ZBTB20: variants seen among roughly 807,000 people sequenced by gnomAD.
ZBTB20 encodes zinc finger and BTB domain-containing protein 20.
ZBTB20 carries 9 observed loss-of-function variants against 56.9 expected under a neutral mutation model. That is an observed-to-expected ratio of 0.16 (90% confidence interval 0.10 to 0.28). The LOEUF (loss-of-function observed/expected upper bound fraction) is 0.28. ZBTB20 is among the 10% of genes least tolerant of loss of function. The pLI is 1.00. For missense variants in ZBTB20, 655 were observed against 1,003.0 expected (o/e 0.65, Z 4.69); for synonymous variants, 417 against 420.7 (o/e 0.99, Z 0.11).
intron 7 of ZBTB20, among the ~76,000 whole-genome samples, chr3:114,404,736 T>C (rs919202914): frequency 5.3e-5 from 8 of 152,038 alleles, no homozygotes; most frequent in African/African-American, 1.9e-4. Flanking sequence ...GAAAACCCAA[T>C]ACCCGGAGCT....
intron 5 of ZBTB20, among the ~76,000 whole-genome samples, chr3:114,707,359 C>A (rs2063775928): frequency 6.6e-6 from 1 of 152,124 alleles, no homozygotes; most frequent in Admixed American, 6.6e-5. Flanking sequence ...AGCTCTCACT[C>A]TTTAATTCTC....
chr3:115,096,672 C>T (rs1041963125), intron 1 of ZBTB20, among the ~76,000 whole-genome samples: 3 of 152,162 alleles, frequency 2.0e-5, no homozygotes, highest in East Asian at 1.9e-4. Context: ...TGGGGTAACA[C>T]GTTTGCTCAG....
chr3:114,652,740 A>G (rs769412509), intron 6 of ZBTB20, among the ~76,000 whole-genome samples: 1 of 152,000 alleles, frequency 6.6e-6, no homozygotes, highest in Non-Finnish European at 1.5e-5. Context: ...TGATATTTTG[A>G]TGGTGATTGC....
At chr3:114,998,920 A>C (rs2079132497) in intron 2 of ZBTB20, among the ~76,000 whole-genome samples, 2 of 151,170 alleles carry the variant, frequency 1.3e-5, no homozygotes, top group Middle Eastern at 3.4e-3. Flanking sequence ...ATAGTAACTG[A>C]AGCCAGAAAA....
intron 6 of ZBTB20, among the ~76,000 whole-genome samples, chr3:114,662,518 C>A (rs2060796293): frequency 1.4e-5 from 2 of 144,824 alleles, no homozygotes; most frequent in African/African-American, 5.2e-5. Context: ...TACAGTCCCA[C>A]CAACAGTGTA....
intron 6 of ZBTB20, among the ~76,000 whole-genome samples, chr3:114,501,265 A>G (rs1053709692): frequency 3.3e-5 from 5 of 152,130 alleles, no homozygotes; most frequent in Non-Finnish European, 7.4e-5. Context: ...AAAATTTTAG[A>G]TTTTGGAGAA....
intron 1 of ZBTB20, among the ~76,000 whole-genome samples, chr3:115,098,381 T>A (rs187357259): frequency 4.2e-4 from 64 of 152,262 alleles, no homozygotes; most frequent in African/African-American, 1.4e-3. Context: ...ACATACAGTA[T>A]CAGTTTTGAA....
In ZBTB20 at chr3:115,030,748, A is replaced by G. The variant is rs986440132; in HGVS notation, c.-507+40471T>C. Among the ~76,000 whole-genome samples, 57 of 151,274 alleles carry G rather than the reference A, an allele frequency of 3.8e-4. 1 individual carries two copies. Among genetic ancestry groups the G allele is most frequent in the African/African-American group, 1.4e-3 (57 of 41,354 alleles). ...TGAGTCACCCTAGAGTATTCTAGGT[A>G]TATATTGATATTCCTAAAAATCTAA... On this transcript the variant is annotated intron_variant, in intron 2 of 11. Transcript: ENST00000675478.
intron 4 of ZBTB20, among the ~76,000 whole-genome samples, chr3:114,892,476 C>A (rs1429283487): frequency 1.3e-5 from 2 of 152,122 alleles, no homozygotes; most frequent in East Asian, 3.9e-4. Flanking sequence ...GATCTGAATA[C>A]AGAGAAGAAT....
At chr3:114,722,516 G>C (rs1441030734) in intron 5 of ZBTB20, among the ~76,000 whole-genome samples, 1 of 152,196 alleles carries the variant, frequency 6.6e-6, no homozygotes, top group Non-Finnish European at 1.5e-5. Context: ...CTGAAGAAGA[G>C]ATTTTAATTG....
chr3:115,065,716 G>A (rs1288978174), intron 2 of ZBTB20, among the ~76,000 whole-genome samples: 1 of 152,124 alleles, frequency 6.6e-6, no homozygotes, highest in Non-Finnish European at 1.5e-5. Flanking sequence ...GAGATCATCC[G>A]ATTCAACCCT....
chr3:114,544,418 TTTC>T (rs1449224773), intron 6 of ZBTB20, among the ~76,000 whole-genome samples: 40 of 24,326 alleles, frequency 1.6e-3, no homozygotes, highest in South Asian at 3.4e-3. Flanking sequence ...TCTTTCTTTC[TTTC>T]TTTCTTTCTT....
rs1330377412 is a variant in ZBTB20, at chr3:114,524,209, T to C, written c.-294-23818A>G. Among the ~76,000 whole-genome samples, 5 of 152,140 alleles carry C rather than the reference T, an allele frequency of 3.3e-5. No homozygotes were observed. In the East Asian group the frequency reaches 9.6e-4, roughly 29 times the overall value. ...TCCTAGTGGGTTTAAGGAATTGGTGTATTAGGGGTAACAAAGGGATTGAAC... is the reference window on the plus strand; with the variant it reads ...TCCTAGTGGGTTTAAGGAATTGGTGCATTAGGGGTAACAAAGGGATTGAAC... On this transcript the variant is annotated intron_variant, in intron 6 of 11. Coordinates refer to ENST00000675478, the MANE Select transcript of ZBTB20 (RefSeq NM_001348800.3).
intron 2 of ZBTB20, among the ~76,000 whole-genome samples, chr3:115,062,953 T>C (rs1422039128): frequency 2.0e-5 from 3 of 152,222 alleles, no homozygotes; most frequent in Non-Finnish European, 2.9e-5. Context: ...TGATTATACC[T>C]ACCAAACCAA....
intron 2 of ZBTB20, among the ~76,000 whole-genome samples, chr3:115,044,184 T>C (rs1212186555): frequency 6.6e-6 from 1 of 152,202 alleles, no homozygotes; most frequent in Admixed American, 6.5e-5. Context: ...GGTATTTCTT[T>C]ATAGCAATAC....
rs966808810 is a variant in ZBTB20 at position 114,948,277 on chromosome 3, A to C, written c.-456+26089T>G. On this transcript the variant is annotated intron_variant, in intron 3 of 11. Coordinates refer to ENST00000675478, the MANE Select transcript of ZBTB20 (RefSeq NM_001348800.3). ...ACACAGAAACACACATAAAACAACA[A>C]CACCAACTCAGCAAACTCACGAATT... Among the ~76,000 whole-genome samples the C allele has an allele frequency of 4.5e-4, 66 of 145,544 alleles. 1 individual carries two copies. Among genetic ancestry groups the C allele is most frequent in the South Asian group, 3.0e-3 (14 of 4,660 alleles).
chr3:114,470,123 A>T (rs1360723316), intron 7 of ZBTB20, among the ~76,000 whole-genome samples: 1 of 152,192 alleles, frequency 6.6e-6, no homozygotes, highest in Non-Finnish European at 1.5e-5. Context: ...ATTTCACTAA[A>T]TACCTCTGGT....
chr3:114,416,646 A>C (rs2088592186), intron 7 of ZBTB20, among the ~76,000 whole-genome samples: 1 of 152,018 alleles, frequency 6.6e-6, no homozygotes, highest in African/African-American at 2.4e-5. Flanking sequence ...ACAGGTAAAC[A>C]CTAGCTTTAT....
Position 114,548,610 on chromosome 3 carries a change from T to C in ZBTB20, c.-294-48219A>G, listed in dbSNP as rs1028440420. ...CTCAGCTCACTGCAACCTCTGCCTC[T>C]TGGGTTCAAGTGATTCTTCTGCCTC... On this transcript the variant is annotated intron_variant, in intron 6 of 11. Coordinates refer to ENST00000675478, the MANE Select transcript of ZBTB20 (RefSeq NM_001348800.3). Among the ~76,000 whole-genome samples, 4 of 152,080 alleles carry C rather than the reference T, an allele frequency of 2.6e-5. No individual in the cohort carries two copies. The East Asian group carries it at 5.8e-4, about 22-fold the overall frequency.
Sources: allele counts gnomAD v4.1 joint callset (sites outside exome capture counted in the v4.1 genomes callset), GRCh38; gene constraint gnomAD v4.1.1; transcripts MANE v1.5; gene names NCBI Gene and HGNC (gene_info 2026-07-23, HGNC 2026-07-21).